TMTC1: variants seen among roughly 807,000 people sequenced by gnomAD.
TMTC1 encodes the protein protein O-mannosyl-transferase TMTC1.
A neutral mutation model predicts 104.8 loss-of-function variants in TMTC1; 73 were observed. That is an observed-to-expected ratio of 0.70 (90% CI 0.58 to 0.85). The LOEUF is 0.85. TMTC1 is among the 40% of genes least tolerant of loss of function. The probability of loss-of-function intolerance (pLI) is 0.00; values close to 1 mark genes in which losing one functional copy is unlikely to be tolerated. For synonymous variants in TMTC1, 434 were observed against 428.7 expected (o/e 1.01, Z -0.15); for missense variants, 1,035 against 1,096.1 (o/e 0.94, Z 0.79).
chr12:29,603,852 G>C (rs1475037913), intron 7 of TMTC1, among the ~76,000 whole-genome samples: 1 of 152,154 alleles, frequency 6.6e-6, no homozygotes, highest in Non-Finnish European at 1.5e-5. Flanking sequence ...TTCTAGAAAA[G>C]TATTATAATT....
chr12:29,762,707 G>A (rs917320351), intron 2 of TMTC1, among the ~76,000 whole-genome samples: 2 of 152,184 alleles, frequency 1.3e-5, no homozygotes, highest in African/African-American at 4.8e-5. Context: ...TGTACCACAT[G>A]CTGTTCATTG....
chr12:29,582,590 G>A (rs1320910218), intron 8 of TMTC1, among the ~76,000 whole-genome samples: 1 of 152,218 alleles, frequency 6.6e-6, no homozygotes, highest in Admixed American at 6.5e-5. Context: ...TGTCTTGGGT[G>A]TGCCGGGTTC....
intron 5 of TMTC1, among the ~76,000 whole-genome samples, chr12:29,703,910 C>G (rs1367824961): frequency 6.6e-6 from 1 of 152,206 alleles, no homozygotes; most frequent in Non-Finnish European, 1.5e-5. Flanking sequence ...TGTGTCCCCA[C>G]CCAAATCTCA....
intron 8 of TMTC1, among the ~76,000 whole-genome samples, chr12:29,573,518 G>A (rs1446041005): frequency 6.6e-6 from 1 of 152,172 alleles, no homozygotes; most frequent in Non-Finnish European, 1.5e-5. Context: ...AGAAGTAGGA[G>A]GAGGGGATTA....
chr12:29,763,910 GTAAA>G lies in TMTC1; in HGVS notation c.480+3984_480+3987del, dbSNP rs545550609. Among the ~76,000 whole-genome samples, 246 of 152,270 alleles carry G rather than the reference GTAAA, an allele frequency of 1.6e-3. 2 individuals are homozygous for G. The highest frequency in any genetic ancestry group is 2.7e-3 in the Non-Finnish European group (186 of 68,024). On this transcript the variant is annotated intron_variant, in intron 2 of 17. Transcript: ENST00000539277. ...GACCTAAGGTGATGAAGAGCATGGA[GTAAA>G]TAAAGAAGTGAGGAGGGGCAATGGG... is the stretch of plus-strand genomic sequence containing the variant.
At chr12:29,656,692 G>A (rs1939775633) in intron 5 of TMTC1, among the ~76,000 whole-genome samples, 1 of 152,182 alleles carries the variant, frequency 6.6e-6, no homozygotes, top group African/African-American at 2.4e-5. Flanking sequence ...AACTGCCTGA[G>A]TTACAGTCGC....
chr12:29,578,343 GA>G lies in TMTC1; in HGVS notation c.1418+5063del, dbSNP rs368722690. 2.6e-5 allele frequency among the ~76,000 whole-genome samples: 4 copies of G among 152,116 alleles called. No individual in the cohort carries two copies. In the East Asian group the frequency reaches 7.8e-4, roughly 30 times the overall value. On this transcript the variant is annotated intron_variant, in intron 8 of 17. Coordinates refer to ENST00000539277, the MANE Select transcript of TMTC1 (RefSeq NM_001193451.2). Reference sequence around the variant, plus strand: ...ACAATGAACAGTTTGTGAAAAAAAGGAAAATAACAAGCCAAAGGCAACACTT... The same window carrying G: ...ACAATGAACAGTTTGTGAAAAAAAGGAAATAACAAGCCAAAGGCAACACTT...
At chr12:29,598,694 A>G (rs1946476394) in intron 7 of TMTC1, among the ~76,000 whole-genome samples, 1 of 152,018 alleles carries the variant, frequency 6.6e-6, no homozygotes. Context: ...ATTTTTTTGT[A>G]GCTATTGCAA....
intron 10 of TMTC1, among the ~76,000 whole-genome samples, chr12:29,538,168 C>T (rs1316004088): frequency 2.0e-5 from 3 of 152,162 alleles, no homozygotes; most frequent in African/African-American, 2.4e-5. Flanking sequence ...ATTTGTATTA[C>T]AGCTCGCTTA....
At chr12:29,512,228 A>AC in intron 16 of TMTC1, 108 bp from the exon 17 acceptor site, 1 of 761,398 alleles carries the variant, frequency 1.3e-6, no homozygotes, top group Non-Finnish European at 2.1e-6. Flanking sequence ...ATACAATGAA[A>AC]CCAGCCGCTA....
intron 5 of TMTC1, among the ~76,000 whole-genome samples, chr12:29,748,460 G>C (rs928682909): frequency 2.0e-5 from 3 of 152,184 alleles, no homozygotes; most frequent in African/African-American, 7.2e-5. Flanking sequence ...CCCTCGCTCT[G>C]GACTCTGGGC....
At chr12:29,609,991 G>A (rs1395077589) in intron 6 of TMTC1, 1 of 152,410 alleles carries the variant, frequency 6.6e-6, no homozygotes, top group Non-Finnish European at 1.5e-5. Context: ...GGTGCTGGGT[G>A]GCTGTTCCTC....
chr12:29,669,962 T>A (rs11050351), intron 5 of TMTC1, among the ~76,000 whole-genome samples: 39,828 of 152,062 alleles, frequency 0.26, 5,801 homozygotes, highest in African/African-American at 0.36. Context: ...GATGGCCAAT[T>A]CAATGCCTTT....
At chr12:29,782,304 A>C (rs1943851885) in intron 1 of TMTC1, among the ~76,000 whole-genome samples, 1 of 152,240 alleles carries the variant, frequency 6.6e-6, no homozygotes, top group South Asian at 2.1e-4. Flanking sequence ...GTAAGTCAAA[A>C]GCCCATGAAT....
intron 5 of TMTC1, among the ~76,000 whole-genome samples, chr12:29,718,435 G>A (rs1054181064): frequency 3.3e-5 from 5 of 152,164 alleles, no homozygotes; most frequent in Admixed American, 2.0e-4. Flanking sequence ...ACAGAAGACT[G>A]TCCCCAATTC....
intron 10 of TMTC1, among the ~76,000 whole-genome samples, chr12:29,545,907 G>A (rs1944931288): frequency 1.3e-5 from 2 of 152,132 alleles, no homozygotes; most frequent in Admixed American, 1.3e-4. Flanking sequence ...ACGCATTATT[G>A]TATTTAGTAC....
chr12:29,544,523 C>T (rs763938368), intron 10 of TMTC1, among the ~76,000 whole-genome samples: 8 of 152,098 alleles, frequency 5.3e-5, no homozygotes, highest in South Asian at 2.1e-4. Flanking sequence ...TTCTTTGGAA[C>T]GACTCTTGGT....
chr12:29,621,284 T>C (rs1937658761), intron 6 of TMTC1, among the ~76,000 whole-genome samples: 1 of 152,226 alleles, frequency 6.6e-6, no homozygotes, highest in African/African-American at 2.4e-5. Flanking sequence ...TTCTGGAATT[T>C]AGTGATCCTT....
At chr12:29,660,832 A>G in intron 5 of TMTC1, 1 of 1,491,226 alleles carries the variant, frequency 6.7e-7, no homozygotes, top group Non-Finnish European at 8.9e-7. Context: ...GGCCCTTTTT[A>G]AAAATGGTCT....
Sources: gnomAD v4.1 joint callset for allele counts (sites outside exome capture counted in the v4.1 genomes callset) on GRCh38, gnomAD v4.1.1 for gene constraint, MANE v1.5 for transcripts, NCBI Gene and HGNC (gene_info 2026-07-23, HGNC 2026-07-21) for gene names.